Variants in TENM2 observed in about 807,000 individuals in gnomAD.
The protein encoded by TENM2 is teneurin-2.
Under a neutral mutation model 245.2 loss-of-function variants are expected in TENM2, and 52 were observed. The observed-to-expected ratio is 0.21, with a 90% confidence interval of 0.17 to 0.27. The LOEUF (loss-of-function observed/expected upper bound fraction) is 0.27. Among genes scored for constraint, TENM2 ranks in the 10% least tolerant of loss-of-function variants. The pLI is 1.00. For missense variants in TENM2, 3,046 were observed against 3,666.8 expected (o/e 0.83, Z 4.37); for synonymous variants, 1,363 against 1,438.9 (o/e 0.95, Z 1.19).
At chr5:167,977,273 T>A (rs576419521) in intron 4 of TENM2, among the ~76,000 whole-genome samples, 1 of 152,076 alleles carries the variant, frequency 6.6e-6, no homozygotes, top group South Asian at 2.1e-4. Context: ...CAAACCCCCA[T>A]GACACGAGTT....
At chr5:167,800,347 G>C (rs1047280922) in intron 2 of TENM2, among the ~76,000 whole-genome samples, 2 of 152,100 alleles carry the variant, frequency 1.3e-5, no homozygotes, top group Non-Finnish European at 2.9e-5. Context: ...TCATGATGTC[G>C]TTTACTTCAG....
Position 167,694,510 on chromosome 5 carries a change from G to A in TENM2, c.503-181476G>A, listed in dbSNP as rs1435055513. Among the ~76,000 whole-genome samples the A allele has an allele frequency of 2.6e-5, 4 of 152,232 alleles. No individual in the cohort carries two copies. In the East Asian group the frequency reaches 5.8e-4, roughly 22 times the overall value. ...CGAATTAGTTGCAAATTATATTCCTGCTTTTACATAGTAATTAAAACAGTC... is the reference window on the plus strand; with the variant it reads ...CGAATTAGTTGCAAATTATATTCCTACTTTTACATAGTAATTAAAACAGTC... On this transcript the variant is annotated intron_variant, in intron 2 of 28. Coordinates refer to ENST00000518659, the Ensembl canonical transcript of TENM2.
intron 10 of TENM2, among the ~76,000 whole-genome samples, chr5:168,121,236 T>C (rs1174234383): frequency 6.6e-6 from 1 of 152,182 alleles, no homozygotes; most frequent in Non-Finnish European, 1.5e-5. Flanking sequence ...GGGGCTGATG[T>C]TTCGAGGCAC....
At chr5:167,780,575 C>A (rs910222113) in intron 2 of TENM2, among the ~76,000 whole-genome samples, 5 of 152,130 alleles carry the variant, frequency 3.3e-5, no homozygotes, top group African/African-American at 1.2e-4. Context: ...CCATGATGTG[C>A]CTTACAGAGG....
the TENM2 span, among the ~76,000 whole-genome samples, chr5:167,077,124 C>A: frequency 3.3e-5 from 5 of 152,142 alleles, no homozygotes; most frequent in African/African-American, 1.2e-4. Flanking sequence ...CTGTGCCTGG[C>A]CTGAACTGTT....
chr5:167,804,347 C>G (rs1487845710), intron 2 of TENM2, among the ~76,000 whole-genome samples: 1 of 152,014 alleles, frequency 6.6e-6, no homozygotes, highest in African/African-American at 2.4e-5. Context: ...AAGAGCTGAT[C>G]CTCTTTCCCA....
chr5:166,979,099 A>G, the TENM2 span, among the ~76,000 whole-genome samples: 13 of 151,902 alleles, frequency 8.6e-5, no homozygotes, highest in South Asian at 2.1e-4. Context: ...ATTCCAGAGC[A>G]GGTTGCACAT....
At chr5:167,080,644 GTAAA>G in the TENM2 span, among the ~76,000 whole-genome samples, 12 of 151,884 alleles carry the variant, frequency 7.9e-5, no homozygotes, top group Admixed American at 1.3e-4. Context: ...GCATAAATAA[GTAAA>G]TAAATATATA....
intron 2 of TENM2, among the ~76,000 whole-genome samples, chr5:167,814,483 A>G (rs926042462): frequency 6.6e-6 from 1 of 151,366 alleles, no homozygotes; most frequent in African/African-American, 2.4e-5. Context: ...AAAGAAAAGA[A>G]AAAGAAAGAA....
At chr5:167,842,729 G>A (rs912077560) in intron 2 of TENM2, among the ~76,000 whole-genome samples, 1 of 151,994 alleles carries the variant, frequency 6.6e-6, no homozygotes, top group Non-Finnish European at 1.5e-5. Context: ...ACCACTCAAG[G>A]AGCTGAGTCT....
intron 2 of TENM2, among the ~76,000 whole-genome samples, chr5:167,693,650 AC>A (rs946646542): frequency 1.3e-5 from 2 of 151,138 alleles, no homozygotes; most frequent in African/African-American, 4.9e-5. Context: ...AAAAAAAAAA[AC>A]CACTTGATTA....
At chr5:167,023,001 C>A in the TENM2 span, among the ~76,000 whole-genome samples, 1 of 152,202 alleles carries the variant, frequency 6.6e-6, no homozygotes, top group African/African-American at 2.4e-5. Context: ...AAGGCATCAT[C>A]CAGCTAAATA....
At chr5:167,100,363 G>A in the TENM2 span, among the ~76,000 whole-genome samples, 2 of 152,066 alleles carry the variant, frequency 1.3e-5, no homozygotes. Flanking sequence ...ATGTCTCCTG[G>A]TCCCGAGAGA....
chr5:167,869,439 C>T (rs186068379), intron 2 of TENM2, among the ~76,000 whole-genome samples: 3 of 152,282 alleles, frequency 2.0e-5, no homozygotes, highest in Admixed American at 2.0e-4. Context: ...TTATTCACGT[C>T]CCAGAGTCTC....
intron 2 of TENM2, among the ~76,000 whole-genome samples, chr5:167,768,648 C>T (rs954248552): frequency 3.3e-5 from 5 of 152,118 alleles, no homozygotes; most frequent in Non-Finnish European, 7.4e-5. Flanking sequence ...AATTTATATA[C>T]CAACAAAGCC....
chr5:167,853,311 AAG>A (rs1462506773), intron 2 of TENM2, among the ~76,000 whole-genome samples: 30 of 144,064 alleles, frequency 2.1e-4, no homozygotes, highest in South Asian at 1.1e-3. Context: ...AAAAAAAAAA[AAG>A]AAAGTGATCG....
chr5:167,573,524 CT>C (rs1422892656), intron 2 of TENM2, among the ~76,000 whole-genome samples: 4 of 79,172 alleles, frequency 5.1e-5, no homozygotes, highest in South Asian at 8.8e-4. Flanking sequence ...CTCTCTCCCC[CT>C]CTCCCCCTCT....
the TENM2 span, among the ~76,000 whole-genome samples, chr5:167,072,359 T>C: frequency 6.6e-6 from 1 of 152,240 alleles, no homozygotes. Flanking sequence ...AGTGAGTCAC[T>C]TAATGATGTC....
chr5:167,026,130 G>A, the TENM2 span, among the ~76,000 whole-genome samples: 6 of 152,114 alleles, frequency 3.9e-5, no homozygotes, highest in Non-Finnish European at 8.8e-5. Context: ...TATGTTTTGT[G>A]TATTCTGTAT....
Sources: gnomAD v4.1 joint callset for allele counts (sites outside exome capture counted in the v4.1 genomes callset) on GRCh38, gnomAD v4.1.1 for gene constraint, MANE v1.5 for transcripts, NCBI Gene and HGNC (gene_info 2026-07-23, HGNC 2026-07-21) for gene names.